SLX4IP: variants seen among roughly 807,000 people sequenced by gnomAD.
The protein encoded by SLX4IP is protein SLX4IP.
Under a neutral mutation model 32.9 loss-of-function variants are expected in SLX4IP, and 34 were observed. That is an observed-to-expected ratio of 1.03 (90% CI 0.79 to 1.38). The LOEUF is 1.38. Among genes scored for constraint, SLX4IP ranks in the 40% most tolerant of loss-of-function variants. The pLI, the probability that SLX4IP is intolerant of heterozygous loss-of-function variation, is 0.00. For missense variants in SLX4IP, 444 were observed against 479.0 expected, an observed-to-expected ratio of 0.93 and a Z score of 0.68; for synonymous variants, 172 against 171.7, an observed-to-expected ratio of 1.00 and a Z score of -0.01.
At chr20:10,597,266 G>A (rs2066781429) in intron 4 of SLX4IP, among the ~76,000 whole-genome samples, 1 of 152,216 alleles carries the variant, frequency 6.6e-6, no homozygotes, top group Admixed American at 6.5e-5. Flanking sequence ...GACAGAGGGG[G>A]ACCCTCACCC....
chr20:10,478,123 TC>T (rs2065490832), intron 2 of SLX4IP, among the ~76,000 whole-genome samples: 1 of 152,032 alleles, frequency 6.6e-6, no homozygotes, highest in Admixed American at 6.5e-5. Flanking sequence ...GGTCTTGAAC[TC>T]CTGAGCTCAG....
chr20:10,518,404 T>TTTCCTTCCTTCCTTCC (rs1555811084), intron 2 of SLX4IP, among the ~76,000 whole-genome samples: 2 of 92,426 alleles, frequency 2.2e-5, no homozygotes, highest in African/African-American at 4.6e-5. Flanking sequence ...TCTTTCTTTC[T>TTTCCTTCCTTCCTTCC]TTCCTTCCTT....
chr20:10,573,509 A>G (rs988540062), intron 4 of SLX4IP, among the ~76,000 whole-genome samples: 2 of 152,190 alleles, frequency 1.3e-5, no homozygotes, highest in Non-Finnish European at 2.9e-5. Context: ...CCTATTGTGC[A>G]CACCCATGCA....
intron 2 of SLX4IP, among the ~76,000 whole-genome samples, chr20:10,482,700 C>A (rs981334726): frequency 3.3e-5 from 5 of 152,120 alleles, no homozygotes; most frequent in African/African-American, 1.2e-4. Flanking sequence ...AATAGCCATT[C>A]CCTATACTTC....
chr20:10,597,097 T>A (rs1160096681), intron 4 of SLX4IP, among the ~76,000 whole-genome samples: 1 of 152,228 alleles, frequency 6.6e-6, no homozygotes, highest in Non-Finnish European at 1.5e-5. Context: ...ATGTCCTGGG[T>A]CTTTCTACAG....
intron 2 of SLX4IP, among the ~76,000 whole-genome samples, chr20:10,481,095 TA>T (rs1385138940): frequency 4.9e-4 from 66 of 134,064 alleles, no homozygotes; most frequent in Middle Eastern, 4.0e-3. Context: ...TTTTTTTTTT[TA>T]AATTTTGATA....
chr20:10,501,182 A>G (rs1178287476), intron 2 of SLX4IP, among the ~76,000 whole-genome samples: 1 of 152,230 alleles, frequency 6.6e-6, no homozygotes, highest in Non-Finnish European at 1.5e-5. Context: ...AAAACATTGT[A>G]GTTATATAAT....
intron 1 of SLX4IP, among the ~76,000 whole-genome samples, chr20:10,456,797 T>G (rs1321383912): frequency 6.6e-6 from 1 of 152,248 alleles, no homozygotes; most frequent in Non-Finnish European, 1.5e-5. Flanking sequence ...TGATAGGGAT[T>G]ATGTTGAATC....
At chr20:10,534,043 T>C (rs980872895) in intron 2 of SLX4IP, among the ~76,000 whole-genome samples, 2 of 151,840 alleles carry the variant, frequency 1.3e-5, no homozygotes, top group Admixed American at 6.6e-5. Context: ...GGAGGGAGAG[T>C]CTGCATGTGG....
intron 4 of SLX4IP, among the ~76,000 whole-genome samples, chr20:10,596,250 G>T (rs893992502): frequency 6.6e-6 from 1 of 151,770 alleles, no homozygotes; most frequent in Non-Finnish European, 1.5e-5. Context: ...TTTAAGATGG[G>T]GTCTTGCTTT....
intron 2 of SLX4IP, among the ~76,000 whole-genome samples, chr20:10,518,452 TTCC>T (rs2065871662): frequency 5.2e-5 from 4 of 76,830 alleles, no homozygotes; most frequent in Non-Finnish European, 1.0e-4. Flanking sequence ...CCTTCCTTCC[TTCC>T]TTCCTTCCTT....
chr20:10,528,776 T>C (rs1330411782), intron 2 of SLX4IP, among the ~76,000 whole-genome samples: 1 of 152,178 alleles, frequency 6.6e-6, no homozygotes, highest in African/African-American at 2.4e-5. Context: ...CTGGCCAGTG[T>C]TTGCCCCACT....
chr20:10,610,596 G>A (rs1239322264), intron 6 of SLX4IP, among the ~76,000 whole-genome samples: 3 of 152,224 alleles, frequency 2.0e-5, no homozygotes, highest in Non-Finnish European at 4.4e-5. Flanking sequence ...CATGTCTCAC[G>A]TGGACTCACA....
At chr20:10,554,168 G>A (rs1052995153) in intron 2 of SLX4IP, among the ~76,000 whole-genome samples, 2 of 152,096 alleles carry the variant, frequency 1.3e-5, no homozygotes, top group Admixed American at 6.5e-5. Flanking sequence ...TTCATCACAC[G>A]TTGATTTTGC....
At chr20:10,515,920 G>C (rs748737042) in intron 2 of SLX4IP, among the ~76,000 whole-genome samples, 2 of 152,116 alleles carry the variant, frequency 1.3e-5, no homozygotes, top group Non-Finnish European at 2.9e-5. Flanking sequence ...ACTTGGTCTT[G>C]CTCTGTTACC....
Position 10,623,060 on chromosome 20 carries a change from A to T in SLX4IP, c.908A>T (p.Glu303Val). The change falls in exon 8 of 8, where the codon GAA becomes GTA. Residue 303 changes from glutamate to valine, a missense_variant. Physicochemically the swap from Glu to Val is moderately radical, Grantham distance 121. Coordinates refer to ENST00000334534, the MANE Select transcript of SLX4IP (RefSeq NM_001009608.3). Reference sequence around the variant, plus strand: ...AAACGCAGGAACTGCAGCTCTGCGGAAGACTTCGACCACCACGGGAGAGTT... The same window carrying T: ...AAACGCAGGAACTGCAGCTCTGCGGTAGACTTCGACCACCACGGGAGAGTT... ...QQKRRNCSSA[E>V]DFDHHGRVSL... is the part of the protein sequence containing the mutation. 6.2e-7 allele frequency: 1 copy of T among 1,614,132 alleles called. No individual in the cohort carries two copies. Among genetic ancestry groups the T allele is most frequent in the Non-Finnish European group, 8.5e-7 (1 of 1,179,974 alleles).
At chr20:10,524,138 C>G (rs1462182994) in intron 2 of SLX4IP, among the ~76,000 whole-genome samples, 1 of 152,210 alleles carries the variant, frequency 6.6e-6, no homozygotes, top group Non-Finnish European at 1.5e-5. Context: ...GGGCCAGCCC[C>G]AGTGCTTTGT....
At chr20:10,442,500 G>A (rs2065167410) in intron 1 of SLX4IP, among the ~76,000 whole-genome samples, 1 of 152,138 alleles carries the variant, frequency 6.6e-6, no homozygotes, top group African/African-American at 2.4e-5. Flanking sequence ...ATGCACAATA[G>A]AAGATGAGGC....
intron 2 of SLX4IP, among the ~76,000 whole-genome samples, chr20:10,513,469 C>A (rs2065827001): frequency 6.6e-6 from 1 of 152,198 alleles, no homozygotes; most frequent in Non-Finnish European, 1.5e-5. Flanking sequence ...AGACATACCT[C>A]TCATCCTATC....
Sources: allele counts gnomAD v4.1 joint callset (sites outside exome capture counted in the v4.1 genomes callset), GRCh38; gene constraint gnomAD v4.1.1; transcripts MANE v1.5; gene names NCBI Gene and HGNC (gene_info 2026-07-23, HGNC 2026-07-21).